The following PROS1 variants were observed in gnomAD, a reference collection of about 807,000 sequenced individuals.
PROS1 encodes protein S, also known as vitamin K-dependent protein S.
A neutral mutation model predicts 75.9 loss-of-function variants in PROS1; 29 were observed. The observed-to-expected ratio is 0.38, with a 90% CI of 0.28 to 0.52. PROS1 has a LOEUF of 0.52. Ranked by LOEUF, PROS1 falls within the 20% of genes least tolerant of loss-of-function variation. The probability of loss-of-function intolerance (pLI) is 0.83; values close to 1 mark genes in which losing one functional copy is unlikely to be tolerated. For missense variants in PROS1, 680 were observed against 810.3 expected, an observed-to-expected ratio of 0.84 and a Z score of 1.95; for synonymous variants, 245 against 280.6, an observed-to-expected ratio of 0.87 and a Z score of 1.27.
At chr3:93,913,408 C>T (rs1708790161) in intron 3 of PROS1, among the ~76,000 whole-genome samples, 2 of 152,150 alleles carry the variant, frequency 1.3e-5, no homozygotes, top group South Asian at 4.1e-4. Context: ...TGGGAGGTCC[C>T]CTGCACAAGC....
chr3:93,902,124 C>T (rs1309946732), intron 6 of PROS1, among the ~76,000 whole-genome samples: 2 of 151,690 alleles, frequency 1.3e-5, no homozygotes, highest in Admixed American at 6.6e-5. Flanking sequence ...CCCACTTCTA[C>T]ATATTAAAAA....
At chr3:93,915,366 T>A (rs1368751979) in intron 3 of PROS1, among the ~76,000 whole-genome samples, 2 of 152,124 alleles carry the variant, frequency 1.3e-5, no homozygotes, top group Non-Finnish European at 2.9e-5. Context: ...CTTGGGAGGC[T>A]GAGGTACAAG....
chr3:93,921,943 G>A (rs909963761), intron 3 of PROS1, among the ~76,000 whole-genome samples: 6 of 151,944 alleles, frequency 3.9e-5, no homozygotes, highest in Non-Finnish European at 8.8e-5. Context: ...TTGCTCTATT[G>A]TATTTTTTGT....
chr3:93,963,968 G>C (rs997467642), intron 1 of PROS1, among the ~76,000 whole-genome samples: 1 of 152,140 alleles, frequency 6.6e-6, no homozygotes, highest in African/African-American at 2.4e-5. Flanking sequence ...CACAGCAGAG[G>C]AACATGAATT....
chr3:93,937,761 GT>G (rs1480503314), intron 1 of PROS1, among the ~76,000 whole-genome samples: 1 of 152,030 alleles, frequency 6.6e-6, no homozygotes, highest in African/African-American at 2.4e-5. Flanking sequence ...TCACTTCCTT[GT>G]TTTTTTCTTG....
intron 1 of PROS1, among the ~76,000 whole-genome samples, chr3:93,940,648 TC>T (rs1709269833): frequency 6.6e-6 from 1 of 151,842 alleles, no homozygotes; most frequent in Non-Finnish European, 1.5e-5. Context: ...CTTCACATCT[TC>T]CTCTCATATC....
At chr3:93,952,146 C>T (rs1163290102) in intron 1 of PROS1, among the ~76,000 whole-genome samples, 1 of 151,904 alleles carries the variant, frequency 6.6e-6, no homozygotes, top group Non-Finnish European at 1.5e-5. Context: ...GACTTTAACA[C>T]CCCACTGTCA....
chr3:93,972,248 G>A (rs1204461714), intron 1 of PROS1, among the ~76,000 whole-genome samples: 6 of 152,148 alleles, frequency 3.9e-5, no homozygotes, highest in Non-Finnish European at 5.9e-5. Context: ...GGTAATAAGC[G>A]CATGTAGTTA....
chr3:93,944,088 G>A (rs1709339616), intron 1 of PROS1, among the ~76,000 whole-genome samples: 1 of 152,066 alleles, frequency 6.6e-6, no homozygotes, highest in Admixed American at 6.6e-5. Context: ...TAATCAGACT[G>A]GGCCCAATAA....
chr3:93,961,349 C>T (rs1247025363), intron 1 of PROS1, among the ~76,000 whole-genome samples: 1 of 152,182 alleles, frequency 6.6e-6, no homozygotes, highest in Non-Finnish European at 1.5e-5. Context: ...AGACAAAAAG[C>T]AGCAGCTGAT....
In PROS1 at chr3:93,884,944, G is replaced by A. The variant is rs752790426; in HGVS notation, c.1324-48C>T. ...AAGGAGTGCATTTTAAACTTAAACA[G>A]TGGCTCGATTATGAGTATAGGTTTT... On this transcript the variant is annotated intron_variant, in intron 11 of 14. Coordinates refer to ENST00000394236, the MANE Select transcript of PROS1 (RefSeq NM_000313.4). 4 of 1,512,822 alleles carry A rather than the reference G, an allele frequency of 2.6e-6. No homozygotes were observed. In the South Asian group the frequency reaches 4.7e-5, roughly 18 times the overall value. The allele number at this position is 1,512,822 out of a possible 1,614,324, so 93.7% of individuals were successfully genotyped here. A position where few individuals can be genotyped will look rare whatever the true frequency, so the allele number is the denominator to read the frequency against.
chr3:93,898,514 T>G lies in PROS1; in HGVS notation c.783A>C (p.Gly261=), dbSNP rs1708536812. 1 of 1,612,792 alleles carries G rather than the reference T, an allele frequency of 6.2e-7. No individual in the cohort carries two copies. The highest frequency in any genetic ancestry group is 8.5e-7 in the Non-Finnish European group (1 of 1,179,044). ...TCCCATCACAATAGCAAGTGTAACC[T>G]CCAGGGTAATTGACACAAAGCTGAG... ...MCAQLCVNYP[G]GYTCYCDGKK... is the part of the protein sequence containing the mutation. The change falls in exon 8 of 15, where the codon GGA becomes GGC. Residue 261 remains glycine, a synonymous_variant. Transcript: ENST00000394236.
At chr3:93,949,875 AG>A (rs1057346693) in intron 1 of PROS1, among the ~76,000 whole-genome samples, 2 of 152,202 alleles carry the variant, frequency 1.3e-5, no homozygotes, top group South Asian at 4.2e-4. Context: ...GAGCCAAAGC[AG>A]GGGGGGCATT....
At chr3:93,957,766 G>C (rs572282324) in intron 1 of PROS1, among the ~76,000 whole-genome samples, 8 of 152,238 alleles carry the variant, frequency 5.3e-5, no homozygotes, top group Admixed American at 2.0e-4. Flanking sequence ...ATTGTATTAG[G>C]CCATTCTCAC....
chr3:93,961,456 C>G (rs1434958606), intron 1 of PROS1, among the ~76,000 whole-genome samples: 1 of 152,174 alleles, frequency 6.6e-6, no homozygotes, highest in Non-Finnish European at 1.5e-5. Flanking sequence ...GGGCCTCAAT[C>G]CTACACTTGT....
At chr3:93,941,914 T>C (rs1396394343) in intron 1 of PROS1, among the ~76,000 whole-genome samples, 1 of 152,190 alleles carries the variant, frequency 6.6e-6, no homozygotes, top group Non-Finnish European at 1.5e-5. Context: ...CCCGGCTCCT[T>C]CAGCTATACT....
intron 1 of PROS1, among the ~76,000 whole-genome samples, chr3:93,937,772 G>T (rs1250477252): frequency 6.6e-6 from 1 of 152,032 alleles, no homozygotes; most frequent in East Asian, 1.9e-4. Flanking sequence ...TTTTTTTCTT[G>T]AAACAGGTAC....
At chr3:93,911,187 T>C (rs1190109453) in intron 3 of PROS1, 1 of 164,534 alleles carries the variant, frequency 6.1e-6, no homozygotes, top group Non-Finnish European at 1.3e-5. Context: ...AATATTTGTA[T>C]AATGCTTCTA....
chr3:93,917,464 C>T (rs1406568154), intron 3 of PROS1, among the ~76,000 whole-genome samples: 1 of 152,228 alleles, frequency 6.6e-6, no homozygotes, highest in African/African-American at 2.4e-5. Flanking sequence ...GCAGCCCTTG[C>T]AGCCCTCGCT....
Sources: allele counts gnomAD v4.1 joint callset (sites outside exome capture counted in the v4.1 genomes callset), GRCh38; gene constraint gnomAD v4.1.1; transcripts MANE v1.5; gene names NCBI Gene and HGNC (gene_info 2026-07-23, HGNC 2026-07-21).